RELL1: variants seen among roughly 807,000 people sequenced by gnomAD.
RELL1 encodes RELT-like protein 1.
Under a neutral mutation model 23.0 loss-of-function variants are expected in RELL1, and 10 were observed. The ratio of observed to expected loss-of-function variants is 0.43; its 90% CI spans 0.27 to 0.74. The LOEUF is 0.74. Among genes scored for constraint, RELL1 ranks in the 30% least tolerant of loss-of-function variants. The pLI, the probability that RELL1 is intolerant of heterozygous loss-of-function variation, is 0.19. For missense variants in RELL1, 315 were observed against 364.4 expected, an observed-to-expected ratio of 0.86 and a Z score of 1.10; for synonymous variants, 146 against 146.8, an observed-to-expected ratio of 0.99 and a Z score of 0.04.
At chr4:37,633,627 C>T (rs1720219024) in intron 5 of RELL1, among the ~76,000 whole-genome samples, 1 of 152,022 alleles carries the variant, frequency 6.6e-6, no homozygotes, top group Non-Finnish European at 1.5e-5. Context: ...GCAAACAGCC[C>T]TGCAAGTCTT....
intron 2 of RELL1, among the ~76,000 whole-genome samples, chr4:37,648,097 T>G (rs539900609): frequency 6.6e-6 from 1 of 152,254 alleles, no homozygotes; most frequent in East Asian, 1.9e-4. Flanking sequence ...TCACAGAGAA[T>G]GCATCAAGGT....
intron 6 of RELL1, among the ~76,000 whole-genome samples, chr4:37,604,920 G>GACACACACACACAC (rs1491085547): frequency 9.2e-6 from 1 of 108,186 alleles, no homozygotes; most frequent in Non-Finnish European, 1.8e-5. Context: ...CACACACACA[G>GACACACACACACAC]ACACACACAC....
chr4:37,608,788 G>A (rs1161789113), downstream of RELL1, among the ~76,000 whole-genome samples: 1 of 151,756 alleles, frequency 6.6e-6, no homozygotes, highest in East Asian at 1.9e-4. Context: ...GCACCATTAT[G>A]CCCAGCTAGT....
chr4:37,629,167 C>A (rs2109254964), intron 6 of RELL1, among the ~76,000 whole-genome samples: 1 of 152,272 alleles, frequency 6.6e-6, no homozygotes, highest in East Asian at 1.9e-4. Context: ...AACTCACTGC[C>A]CAGTTGATGA....
At chr4:37,597,083 CAT>C (rs1328724517) in intron 6 of RELL1, among the ~76,000 whole-genome samples, 3 of 151,566 alleles carry the variant, frequency 2.0e-5, no homozygotes, top group African/African-American at 7.3e-5. Flanking sequence ...AGAGCATACA[CAT>C]GAGTGTGGAC....
intron 6 of RELL1, among the ~76,000 whole-genome samples, chr4:37,628,324 C>T (rs1214589834): frequency 6.6e-6 from 1 of 152,132 alleles, no homozygotes; most frequent in Non-Finnish European, 1.5e-5. Context: ...TTTAAACTCT[C>T]TGTGCTTAAG....
At chr4:37,604,856 C>T (rs1286241637) in intron 6 of RELL1, among the ~76,000 whole-genome samples, 1 of 123,148 alleles carries the variant, frequency 8.1e-6, no homozygotes, top group Admixed American at 7.8e-5. Flanking sequence ...CACACAGACA[C>T]ACACACACAG....
At chr4:37,637,237 A>G (rs955311983) in intron 4 of RELL1, among the ~76,000 whole-genome samples, 3 of 152,240 alleles carry the variant, frequency 2.0e-5, no homozygotes, top group African/African-American at 7.2e-5. Context: ...CTATGACTCT[A>G]CGTCTCTCCT....
chr4:37,672,905 A>G (rs1721881222), intron 1 of RELL1, among the ~76,000 whole-genome samples: 1 of 152,232 alleles, frequency 6.6e-6, no homozygotes, highest in Non-Finnish European at 1.5e-5. Context: ...CAGACTGGGA[A>G]GGAGAAGTAA....
intron 1 of RELL1, among the ~76,000 whole-genome samples, chr4:37,676,367 G>A (rs1017834008): frequency 6.6e-6 from 1 of 152,040 alleles, no homozygotes; most frequent in African/African-American, 2.4e-5. Flanking sequence ...CGAAACAATT[G>A]GTTTTGAATA....
intron 3 of RELL1, among the ~76,000 whole-genome samples, chr4:37,640,972 T>C (rs1485357838): frequency 4.6e-5 from 7 of 152,136 alleles, no homozygotes; most frequent in Admixed American, 4.6e-4. Context: ...CTTTTTAAAA[T>C]CAAACGTTTA....
chr4:37,635,209 G>T, intron 4 of RELL1, 86 bp from the exon 5 acceptor site: 2 of 1,061,794 alleles, frequency 1.9e-6, no homozygotes, highest in Non-Finnish European at 2.8e-6. Flanking sequence ...GACAGAAGCA[G>T]TTTAAATTGA....
downstream of RELL1, chr4:37,590,476 G>C: frequency 1.9e-6 from 3 of 1,611,170 alleles, no homozygotes; most frequent in Non-Finnish European, 2.5e-6. Context: ...GGAAGGAGGG[G>C]GCACCAGGAA....
chr4:37,668,811 G>A (rs1721644836), intron 1 of RELL1, among the ~76,000 whole-genome samples: 2 of 144,980 alleles, frequency 1.4e-5, no homozygotes, highest in South Asian at 2.1e-4. Flanking sequence ...AGGAAGTGAG[G>A]AGCGTCTCTC....
chr4:37,656,249 C>T (rs1721112496), intron 1 of RELL1, among the ~76,000 whole-genome samples: 1 of 152,124 alleles, frequency 6.6e-6, no homozygotes, highest in African/African-American at 2.4e-5. Context: ...ATAAGCCAGA[C>T]ACCAAAGGAC....
downstream of RELL1, among the ~76,000 whole-genome samples, chr4:37,587,318 TG>T (rs1718384191): frequency 6.6e-6 from 1 of 152,188 alleles, no homozygotes; most frequent in Admixed American, 6.5e-5. Flanking sequence ...ATTTGGGGGC[TG>T]GGGTGGCATA....
Position 37,638,504 on chromosome 4 carries a change from G to A in RELL1, c.386C>T (p.Ala129Val), listed in dbSNP as rs202079148. The A allele has an allele frequency of 5.0e-6, 8 of 1,607,096 alleles. No homozygotes were observed. Among genetic ancestry groups the A allele is most frequent in the African/African-American group, 1.3e-5 (1 of 74,800 alleles). ...QIVHYIMKNEANADVLKAMVA... is the reference protein window; with the variant it reads ...QIVHYIMKNEVNADVLKAMVA... Reference sequence around the variant, plus strand: ...CATCGCCTTTAAGACATCAGCATTCGCTAAGGAATAAAAATAAAATTAAAG... The same window carrying A: ...CATCGCCTTTAAGACATCAGCATTCACTAAGGAATAAAAATAAAATTAAAG... The change falls in exon 4 of 7, where the codon GCG (alanine) becomes GTG (valine). Residue 129 changes from alanine (A) to valine (V), a missense_variant and splice_region_variant. Coordinates refer to ENST00000454158, the MANE Select transcript of RELL1 (RefSeq NM_001085400.2).
At chr4:37,653,137 C>A (rs1577591997) in intron 1 of RELL1, among the ~76,000 whole-genome samples, 1 of 152,228 alleles carries the variant, frequency 6.6e-6, no homozygotes, top group East Asian at 1.9e-4. Context: ...TCCTTTTGTT[C>A]TTAGGCAGAT....
chr4:37,609,388 G>A (rs1195740395), downstream of RELL1, among the ~76,000 whole-genome samples: 1 of 152,162 alleles, frequency 6.6e-6, no homozygotes, highest in Non-Finnish European at 1.5e-5. Context: ...CAAGGACCTG[G>A]TCAGTTACCC....
Sources: gnomAD v4.1 joint callset for allele counts (sites outside exome capture counted in the v4.1 genomes callset) on GRCh38, gnomAD v4.1.1 for gene constraint, MANE v1.5 for transcripts, NCBI Gene and HGNC (gene_info 2026-07-23, HGNC 2026-07-21) for gene names.